The following BOLL variants were observed in gnomAD, a reference collection of about 807,000 sequenced individuals.
The protein encoded by BOLL is protein boule-like.
BOLL carries 23 observed loss-of-function variants against 44.4 expected under a neutral mutation model. The ratio of observed to expected loss-of-function variants is 0.52; its 90% confidence interval spans 0.37 to 0.73. The LOEUF (loss-of-function observed/expected upper bound fraction) is 0.73, where lower values mean the gene tolerates loss of function less well. Ranked by LOEUF, BOLL falls within the 30% of genes least tolerant of loss-of-function variation. BOLL has a pLI of 0.00. For synonymous variants in BOLL, 97 were observed against 110.8 expected (o/e 0.88, Z 0.78); for missense variants, 287 against 338.3 (o/e 0.85, Z 1.19).
rs1287067497 is a variant in BOLL at position 197,785,039 on chromosome 2, G to A, written c.-16+17C>T. The A allele has an allele frequency of 1.9e-5, 19 of 985,906 alleles. No individual in the cohort carries two copies. The highest frequency in any genetic ancestry group is 2.0e-5 in the Non-Finnish European group (17 of 829,956). The allele number at this position is 985,906 out of a possible 1,614,324, so 61.1% of individuals were successfully genotyped here. On this transcript the variant is annotated intron_variant, in intron 1 of 10. Transcript: ENST00000392296. The surrounding 1 kb of genome is among the most constrained non-coding windows in gnomAD (Gnocchi z 6.7). ...ATCTATTTTGCAAACGAAGACAGCA[G>A]GAACGGGCGGGCTAACCGTCGCAGT...
Position 197,785,225 on chromosome 2 carries a change from G to C in BOLL, c.-185C>G, listed in dbSNP as rs1405114574. ...ACCAAAGTGCGGGAGGGAAAAGAAG[G>C]CTAGCCAGCGAGAAATTTTGCCCCA... On this transcript the variant is annotated 5_prime_UTR_variant, in exon 1 of 11. Transcript: ENST00000392296. This position sits in a 1 kb window ranked among gnomAD's most constrained non-coding sequence, Gnocchi z 6.7. 9 of 985,914 alleles carry C rather than the reference G, an allele frequency of 9.1e-6. No homozygotes were observed. Among genetic ancestry groups the C allele is most frequent in the Admixed American group, 6.1e-5 (1 of 16,294 alleles). The allele number at this position is 985,914 out of a possible 1,614,324, so 61.1% of individuals were successfully genotyped here.
At chr2:197,746,077 A>G (rs1687975123) in intron 9 of BOLL, among the ~76,000 whole-genome samples, 1 of 152,192 alleles carries the variant, frequency 6.6e-6, no homozygotes, top group Admixed American at 6.5e-5. Context: ...GAAAGTGGGA[A>G]AGGAAGTAGC....
chr2:197,758,022 C>T (rs1394898410), intron 7 of BOLL, among the ~76,000 whole-genome samples: 4 of 152,084 alleles, frequency 2.6e-5, no homozygotes, highest in African/African-American at 9.7e-5. Flanking sequence ...TTGACGGGCA[C>T]GTGGAGAAAT....
chr2:197,728,500 G>C lies in BOLL; in HGVS notation c.*55C>G, dbSNP rs546030324. The C allele has an allele frequency of 6.2e-7, 1 of 1,613,758 alleles. No individual in the cohort carries two copies. The highest frequency in any genetic ancestry group is 1.3e-5 in the African/African-American group (1 of 74,894). On this transcript the variant is annotated 3_prime_UTR_variant, in exon 11 of 11. Coordinates refer to ENST00000392296, the MANE Select transcript of BOLL (RefSeq NM_033030.6). ...TTCGTTGAAGCTGGATCTCGGCCAC[G>C]CAAGGATCATTGGACAAGAAATCAG...
intron 9 of BOLL, among the ~76,000 whole-genome samples, chr2:197,744,884 G>A (rs1687919489): frequency 6.6e-6 from 1 of 152,192 alleles, no homozygotes; most frequent in Non-Finnish European, 1.5e-5. Context: ...GTGGAGAGAA[G>A]AAGACTTCAA....
chr2:197,755,205 C>A (rs1688456177), intron 9 of BOLL, among the ~76,000 whole-genome samples: 1 of 152,168 alleles, frequency 6.6e-6, no homozygotes, highest in African/African-American at 2.4e-5. Context: ...CCATCTCACA[C>A]CAGTCAGAAT....
At chr2:197,754,316 G>A (rs548784459) in intron 9 of BOLL, among the ~76,000 whole-genome samples, 21 of 152,140 alleles carry the variant, frequency 1.4e-4, no homozygotes, top group African/African-American at 5.1e-4. Flanking sequence ...AAACTGTTTA[G>A]CCATATATAG....
At chr2:197,741,240 G>A (rs1332729449) in intron 10 of BOLL, among the ~76,000 whole-genome samples, 1 of 152,104 alleles carries the variant, frequency 6.6e-6, no homozygotes, top group Non-Finnish European at 1.5e-5. Context: ...TCTCTTTGAA[G>A]CAATTGTGAA....
At chr2:197,738,457 C>T (rs1022352898) in intron 10 of BOLL, among the ~76,000 whole-genome samples, 3 of 151,986 alleles carry the variant, frequency 2.0e-5, no homozygotes, top group South Asian at 4.1e-4. Flanking sequence ...AATCTAGTTA[C>T]CTCTATATTG....
At chr2:197,759,750 C>A (rs918092458) in intron 7 of BOLL, among the ~76,000 whole-genome samples, 2 of 152,178 alleles carry the variant, frequency 1.3e-5, no homozygotes, top group African/African-American at 4.8e-5. Context: ...TTTAGCTGGT[C>A]AAACTGCTGC....
At chr2:197,739,058 G>T (rs995312376) in intron 10 of BOLL, among the ~76,000 whole-genome samples, 1 of 152,064 alleles carries the variant, frequency 6.6e-6, no homozygotes, top group South Asian at 2.1e-4. Flanking sequence ...TGGAGTTTCT[G>T]TCTCTGAGTG....
At chr2:197,736,662 T>A (rs1441934753) in intron 10 of BOLL, among the ~76,000 whole-genome samples, 1 of 152,052 alleles carries the variant, frequency 6.6e-6, no homozygotes, top group East Asian at 1.9e-4. Context: ...TGGGATGGGA[T>A]GATGGGGGAG....
At chr2:197,737,637 C>T (rs1335744645) in intron 10 of BOLL, among the ~76,000 whole-genome samples, 1 of 152,008 alleles carries the variant, frequency 6.6e-6, no homozygotes, top group Non-Finnish European at 1.5e-5. Context: ...ATTTGAGTCT[C>T]TAAATTGATT....
In BOLL at chr2:197,756,473, T is replaced by C; in HGVS notation, c.684A>G (p.Gly228=). Residue 228 remains glycine (G), a synonymous_variant, in exon 9 of 11, where the codon GGA becomes GGG. Coordinates refer to ENST00000392296, the MANE Select transcript of BOLL (RefSeq NM_033030.6). ...YQPVEIAQDG[G]CVPPPLSLME... ...TCAGAGACAGTGGAGGAGGAACACA[T>C]CCACCATCCTGTGCAATTTCCACTG... 6.2e-7 allele frequency: 1 copy of C among 1,612,362 alleles called. No individual in the cohort carries two copies. The highest frequency in any genetic ancestry group is 8.5e-7 in the Non-Finnish European group (1 of 1,178,904).
intron 2 of BOLL, among the ~76,000 whole-genome samples, chr2:197,780,188 CAA>C (rs1353913430): frequency 6.6e-6 from 1 of 151,856 alleles, no homozygotes; most frequent in Non-Finnish European, 1.5e-5. Flanking sequence ...TCTTTAGTGA[CAA>C]AGAGACAGTC....
intron 10 of BOLL, among the ~76,000 whole-genome samples, chr2:197,740,475 A>G (rs1477135811): frequency 5.9e-5 from 9 of 152,148 alleles, no homozygotes; most frequent in Admixed American, 5.9e-4. Context: ...TTCCCTGTAC[A>G]TAGTAGATAG....
rs369317915 is a variant in BOLL at position 197,744,357 on chromosome 2, A to G, written c.730-1198T>C. Among the ~76,000 whole-genome samples, 29 of 152,320 alleles carry G rather than the reference A, an allele frequency of 1.9e-4. 1 individual carries two copies. The highest frequency in any genetic ancestry group is 6.5e-4 in the African/African-American group (27 of 41,574). On this transcript the variant is annotated intron_variant, in intron 9 of 10. Coordinates refer to ENST00000392296, the MANE Select transcript of BOLL (RefSeq NM_033030.6). ...CAAATACAAAATCTGCTTATAAAGG[A>G]AAACAAAAGGAGGTAAAAGGATTGC...
In BOLL at chr2:197,771,791, T is replaced by C. The variant is rs1319210278; in HGVS notation, c.480+64A>G. 5.6e-6 allele frequency: 8 copies of C among 1,419,816 alleles called. No homozygotes were observed. The Admixed American group carries it at 7.6e-5, about 14-fold the overall frequency. 88.0% of individuals were successfully genotyped at this position (1,419,816 alleles called of 1,614,324 possible). A position where few individuals can be genotyped will look rare whatever the true frequency, so the allele number is the denominator to read the frequency against. ...ATCTGTGGTTAAGATATTTCAGAAA[T>C]ATAACAAACATTAAAAAATTGATAG... is the stretch of plus-strand genomic sequence containing the variant. On this transcript the variant is annotated intron_variant, in intron 6 of 10. Coordinates refer to ENST00000392296, the MANE Select transcript of BOLL (RefSeq NM_033030.6).
chr2:197,753,692 T>A (rs1688370869), intron 9 of BOLL, among the ~76,000 whole-genome samples: 1 of 151,982 alleles, frequency 6.6e-6, no homozygotes, highest in Non-Finnish European at 1.5e-5. Flanking sequence ...TTGGTGGGAG[T>A]GTAAATTAAT....
Sources: allele counts gnomAD v4.1 joint callset (sites outside exome capture counted in the v4.1 genomes callset), GRCh38; gene constraint gnomAD v4.1.1; non-coding constraint Gnocchi (gnomAD v3.1); transcripts MANE v1.5; gene names NCBI Gene and HGNC (gene_info 2026-07-23, HGNC 2026-07-21).